The following CLUAP1 variants were observed in gnomAD, a reference collection of about 807,000 sequenced individuals.
CLUAP1 encodes the protein intraflagellar transport 38, also known as clusterin-associated protein 1.
CLUAP1 carries 50 observed loss-of-function variants against 55.0 expected under a neutral mutation model. The ratio of observed to expected loss-of-function variants is 0.91; its 90% confidence interval spans 0.72 to 1.15. The LOEUF is 1.15. Ranked by LOEUF, CLUAP1 falls within the 50% of genes most tolerant of loss-of-function variation. CLUAP1 has a pLI of 0.00. For missense variants in CLUAP1, 530 were observed against 507.6 expected, an observed-to-expected ratio of 1.04 and a Z score of -0.42; for synonymous variants, 195 against 175.4, an observed-to-expected ratio of 1.11 and a Z score of -0.88.
At chr16:3,500,527 G>C (rs971586627), upstream of CLUAP1, among the ~76,000 whole-genome samples, 1 of 152,030 alleles carries the variant, frequency 6.6e-6, no homozygotes, top group Non-Finnish European at 1.5e-5. Flanking sequence ...GCGCCACCAC[G>C]CTTGGCAAAT....
chr16:3,528,823 T>G (rs887936174), intron 9 of CLUAP1, among the ~76,000 whole-genome samples: 2 of 152,210 alleles, frequency 1.3e-5, no homozygotes, highest in African/African-American at 4.8e-5. Context: ...TCGGTTGTCC[T>G]ATTATCATTT....
intron 3 of CLUAP1, among the ~76,000 whole-genome samples, chr16:3,506,731 G>A (rs992521921): frequency 6.6e-6 from 1 of 151,902 alleles, no homozygotes; most frequent in Non-Finnish European, 1.5e-5. Context: ...TCAAACTCCC[G>A]ACCTCAAGTA....
chr16:3,536,471 G>A lies in CLUAP1; in HGVS notation c.*200G>A. ...AATAAGAATTGAAGCAAATCCCTAA[G>A]ATTTATTTTTTTCCACCTTATTTAT... On this transcript the variant is annotated 3_prime_UTR_variant, in exon 12 of 12. Transcript: ENST00000576634. 1.9e-6 allele frequency: 1 copy of A among 522,412 alleles called. No individual in the cohort carries two copies. The highest frequency in any genetic ancestry group is 3.6e-5 in the South Asian group (1 of 27,694). The allele number at this position is 522,412 out of a possible 1,614,324, so 32.4% of individuals were successfully genotyped here. A position where few individuals can be genotyped will look rare whatever the true frequency, so the allele number is the denominator to read the frequency against.
chr16:3,528,016 T>G (rs1184314344), intron 9 of CLUAP1, among the ~76,000 whole-genome samples: 1 of 152,202 alleles, frequency 6.6e-6, no homozygotes, highest in Non-Finnish European at 1.5e-5. Context: ...CGGCTGTCTT[T>G]TCTTTTATCT....
chr16:3,496,873 C>CTTTTT (rs369156559), upstream of CLUAP1: 5,304 of 245,208 alleles, frequency 0.022, 175 homozygotes, highest in African/African-American at 0.084. Context: ...TTTTTCTTTT[C>CTTTTT]TTTTTTTTTT....
At chr16:3,504,270 T>A (rs1029874363) in intron 1 of CLUAP1, among the ~76,000 whole-genome samples, 1 of 152,236 alleles carries the variant, frequency 6.6e-6, no homozygotes, top group Non-Finnish European at 1.5e-5. Flanking sequence ...CTCAGAAACA[T>A]GAATGTCATC....
upstream of CLUAP1, chr16:3,500,984 T>C (rs1470491278): frequency 7.1e-7 from 1 of 1,413,756 alleles, no homozygotes; most frequent in East Asian, 2.4e-5. Flanking sequence ...GTCCATTGGT[T>C]GCCATAGAGA....
At chr16:3,512,924 C>G (rs145681053) in intron 5 of CLUAP1, among the ~76,000 whole-genome samples, 1,941 of 152,266 alleles carry the variant, frequency 0.013, 49 homozygotes, top group African/African-American at 0.045. Flanking sequence ...TCGTGATCTG[C>G]CTGCCTTGGC....
At chr16:3,521,317 T>A (rs114285832) in intron 7 of CLUAP1, among the ~76,000 whole-genome samples, 1,951 of 152,284 alleles carry the variant, frequency 0.013, 50 homozygotes, top group African/African-American at 0.045. Flanking sequence ...AAGATTATAA[T>A]TATTTCTGAG....
chr16:3,527,733 G>A (rs2037974578), intron 9 of CLUAP1, among the ~76,000 whole-genome samples: 1 of 152,138 alleles, frequency 6.6e-6, no homozygotes, highest in Non-Finnish European at 1.5e-5. Context: ...TTAGATAGTA[G>A]TAGCAAATTA....
chr16:3,500,329 C>G (rs940736131), upstream of CLUAP1, among the ~76,000 whole-genome samples: 14 of 152,060 alleles, frequency 9.2e-5, no homozygotes, highest in African/African-American at 2.9e-4. Flanking sequence ...CGCGCTGTGC[C>G]TCGGACGGGG....
upstream of CLUAP1, chr16:3,496,454 G>C: frequency 5.2e-6 from 5 of 955,068 alleles, no homozygotes; most frequent in Non-Finnish European, 8.0e-6. Context: ...CGTGGTTGTG[G>C]GGACGCTTAA....
chr16:3,520,825 C>T (rs1284028625), intron 7 of CLUAP1, among the ~76,000 whole-genome samples: 2 of 152,168 alleles, frequency 1.3e-5, no homozygotes, highest in Non-Finnish European at 2.9e-5. Context: ...CCCAGGAATA[C>T]CGATGGAGAA....
rs1187138354 is a variant in CLUAP1, at chr16:3,520,030, G to C, written c.707G>C (p.Ser236Thr). 1 of 1,607,404 alleles carries C rather than the reference G, an allele frequency of 6.2e-7. No individual in the cohort carries two copies. ...CGGAAGCGACTAGAGACTCTGCAGA[G>C]TGTCAGGTAGATATGAACACTTGGA... ...RNRKRLETLQ[S>T]VRPCFMDEYE... The change falls in exon 7 of 12, where the codon AGT becomes ACT. Residue 236 changes from serine (S) to threonine (T), a missense_variant. Ser to Thr is a moderately conservative substitution (Grantham distance 58). Transcript: ENST00000576634.
upstream of CLUAP1, chr16:3,496,751 A>T (rs1183349684): frequency 4.0e-6 from 2 of 498,510 alleles, no homozygotes; most frequent in Non-Finnish European, 8.0e-6. Flanking sequence ...CCTACGGGCC[A>T]GCCGAGGCTA....
chr16:3,497,181 G>C (rs2037323434), upstream of CLUAP1, among the ~76,000 whole-genome samples: 1 of 151,112 alleles, frequency 6.6e-6, no homozygotes, highest in Non-Finnish European at 1.5e-5. Context: ...ACCTGATCTT[G>C]TATGTAGGAA....
At chr16:3,506,759 T>C (rs1445895401) in intron 3 of CLUAP1, among the ~76,000 whole-genome samples, 1 of 152,072 alleles carries the variant, frequency 6.6e-6, no homozygotes, top group Non-Finnish European at 1.5e-5. Context: ...CTCCTTGGCC[T>C]CCCAAAGTGC....
chr16:3,508,404 G>T lies in CLUAP1; in HGVS notation c.335G>T (p.Gly112Val). The stretch of plus-strand genomic sequence containing the variant: ...CTTTATAATGCTATGAAGACCAAGG[G>T]GATGGAGGGCTCTGAAATAGTAGAG... ...SVLYNAMKTK[G>V]MEGSEIVEED... is the part of the protein sequence containing the mutation. The change falls in exon 4 of 12, where the codon GGG becomes GTG. Residue 112 changes from glycine (G) to valine (V), a missense_variant. Physicochemically the swap from Gly to Val is moderately radical, Grantham distance 109. Coordinates refer to ENST00000576634, the MANE Select transcript of CLUAP1 (RefSeq NM_015041.3). 1 of 1,598,430 alleles carries T rather than the reference G, an allele frequency of 6.3e-7. No individual in the cohort carries two copies. The highest frequency in any genetic ancestry group is 1.2e-5 in the South Asian group (1 of 86,870).
At chr16:3,507,433 G>A (rs2151043863) in intron 3 of CLUAP1, among the ~76,000 whole-genome samples, 1 of 151,592 alleles carries the variant, frequency 6.6e-6, no homozygotes, top group East Asian at 1.9e-4. Context: ...GGTGACACGT[G>A]CCTGTAGTCT....
Sources: allele counts gnomAD v4.1 joint callset (sites outside exome capture counted in the v4.1 genomes callset), GRCh38; gene constraint gnomAD v4.1.1; transcripts MANE v1.5; gene names NCBI Gene and HGNC (gene_info 2026-07-23, HGNC 2026-07-21).